Variants in CALCR observed in about 807,000 individuals in gnomAD.
The protein encoded by CALCR is calcitonin receptor.
Under a neutral mutation model 59.5 loss-of-function variants are expected in CALCR, and 47 were observed. The ratio of observed to expected loss-of-function variants is 0.79; its 90% CI spans 0.63 to 1.01. The LOEUF (loss-of-function observed/expected upper bound fraction) is 1.01, where lower values mean the gene tolerates loss of function less well. Among genes scored for constraint, CALCR ranks in the 50% least tolerant of loss-of-function variants. The pLI is 0.00. For missense variants in CALCR, 566 were observed against 597.1 expected (o/e 0.95, Z 0.54); for synonymous variants, 213 against 211.3 (o/e 1.01, Z -0.07).
intron 2 of CALCR, among the ~76,000 whole-genome samples, chr7:93,565,079 T>C (rs1214719829): frequency 6.6e-6 from 1 of 152,206 alleles, no homozygotes; most frequent in Non-Finnish European, 1.5e-5. Flanking sequence ...TTTGAGGTCA[T>C]CTATAAGTAC....
intron 2 of CALCR, among the ~76,000 whole-genome samples, chr7:93,539,791 G>A (rs536808171): frequency 1.1e-4 from 17 of 152,222 alleles, no homozygotes; most frequent in African/African-American, 3.6e-4. Flanking sequence ...AGTTAAAGAC[G>A]CTTCCCTCTG....
chr7:93,547,130 G>C (rs1789311307), intron 2 of CALCR, among the ~76,000 whole-genome samples: 1 of 152,146 alleles, frequency 6.6e-6, no homozygotes, highest in East Asian at 1.9e-4. Flanking sequence ...GACCTCTTAG[G>C]ACAGGTTATC....
At chr7:93,571,130 C>T (rs988439032) in intron 2 of CALCR, among the ~76,000 whole-genome samples, 2 of 152,068 alleles carry the variant, frequency 1.3e-5, no homozygotes, top group African/African-American at 4.8e-5. Context: ...TATGAAAACA[C>T]AAAATCTTAT....
intron 3 of CALCR, among the ~76,000 whole-genome samples, chr7:93,483,412 GATA>G (rs1800846210): frequency 2.9e-4 from 4 of 13,572 alleles, no homozygotes; most frequent in African/African-American, 8.6e-4. Context: ...TGACTGTATA[GATA>G]GATAGATAGA....
At chr7:93,547,728 A>G (rs989001278) in intron 2 of CALCR, among the ~76,000 whole-genome samples, 1 of 152,208 alleles carries the variant, frequency 6.6e-6, no homozygotes, top group Non-Finnish European at 1.5e-5. Flanking sequence ...GTCACACCTG[A>G]GTATTCAAAG....
intron 9 of CALCR, among the ~76,000 whole-genome samples, chr7:93,441,987 G>C (rs1451421219): frequency 6.6e-6 from 1 of 152,120 alleles, no homozygotes; most frequent in South Asian, 2.1e-4. Context: ...GTTTCTGTGA[G>C]TGCCTGGAAC....
intron 2 of CALCR, among the ~76,000 whole-genome samples, chr7:93,498,209 C>T (rs945821889): frequency 2.6e-5 from 4 of 151,622 alleles, no homozygotes; most frequent in African/African-American, 9.7e-5. Context: ...ATTTGAGTAC[C>T]ACATCCTGTG....
intron 2 of CALCR, among the ~76,000 whole-genome samples, chr7:93,488,582 G>GAAAAAAAAAAAA (rs1554401502): frequency 9.0e-5 from 7 of 77,998 alleles, no homozygotes; most frequent in East Asian, 4.4e-4. Context: ...CAAATGGAAA[G>GAAAAAAAAAAAA]AAAAAAAAAA....
intron 2 of CALCR, among the ~76,000 whole-genome samples, chr7:93,543,133 G>T (rs1010038358): frequency 6.6e-6 from 1 of 152,008 alleles, no homozygotes; most frequent in Non-Finnish European, 1.5e-5. Context: ...TTGAGATAGG[G>T]TCTTGCTCTG....
chr7:93,537,768 T>G (rs879385186), intron 2 of CALCR, among the ~76,000 whole-genome samples: 1 of 151,652 alleles, frequency 6.6e-6, no homozygotes, highest in Non-Finnish European at 1.5e-5. Flanking sequence ...ACAATCTGGA[T>G]GAAAAGTCAA....
At chr7:93,450,681 C>G (rs1800091012) in intron 8 of CALCR, among the ~76,000 whole-genome samples, 1 of 151,966 alleles carries the variant, frequency 6.6e-6, no homozygotes, top group Non-Finnish European at 1.5e-5. Context: ...TCTAGCATCT[C>G]CCTGTCTTGG....
chr7:93,525,972 G>C (rs1425806976), intron 2 of CALCR, among the ~76,000 whole-genome samples: 1 of 152,150 alleles, frequency 6.6e-6, no homozygotes, highest in Non-Finnish European at 1.5e-5. Flanking sequence ...ATCACTTGTA[G>C]ACATTTAATT....
chr7:93,428,409 T>A (rs1799576670), intron 13 of CALCR, among the ~76,000 whole-genome samples: 1 of 152,236 alleles, frequency 6.6e-6, no homozygotes, highest in Non-Finnish European at 1.5e-5. Context: ...TAGCTTTAAA[T>A]GCCAGGGTTA....
At chr7:93,466,331 A>G (rs1283308231) in intron 7 of CALCR, among the ~76,000 whole-genome samples, 9 of 151,944 alleles carry the variant, frequency 5.9e-5, no homozygotes, top group African/African-American at 2.2e-4. Flanking sequence ...ATAAATTCCA[A>G]TGATAGATCA....
chr7:93,436,219 A>C, intron 11 of CALCR, 49 bp from the exon 12 acceptor site: 1 of 1,420,616 alleles, frequency 7.0e-7, no homozygotes, highest in Non-Finnish European at 9.9e-7. Flanking sequence ...AGTATCACTT[A>C]AGAATATGCA....
chr7:93,437,156 T>C (rs1188027887), intron 11 of CALCR, among the ~76,000 whole-genome samples: 1 of 152,188 alleles, frequency 6.6e-6, no homozygotes, highest in African/African-American at 2.4e-5. Context: ...TCAACTCAGA[T>C]ACACATTTAT....
At chr7:93,454,917 TGTGTGTGTGTGTGTGTG>T (rs1800179932) in intron 8 of CALCR, among the ~76,000 whole-genome samples, 1 of 17,312 alleles carries the variant, frequency 5.8e-5, no homozygotes, top group African/African-American at 2.2e-4. Flanking sequence ...CAGGGCATTT[TGTGTGTGTGTGTGTGTG>T]TGTGTGTGTG....
At chr7:93,487,266 A>C (rs1470690074) in intron 2 of CALCR, among the ~76,000 whole-genome samples, 2 of 151,432 alleles carry the variant, frequency 1.3e-5, no homozygotes, top group Admixed American at 6.6e-5. Context: ...TTAGGACAGA[A>C]ATAAAGACAT....
At chr7:93,499,633 C>A (rs1029895119) in intron 2 of CALCR, among the ~76,000 whole-genome samples, 1 of 151,736 alleles carries the variant, frequency 6.6e-6, no homozygotes, top group South Asian at 2.1e-4. Flanking sequence ...GAAAAGAAAT[C>A]GCAGGACTTT....
Sources: allele counts gnomAD v4.1 joint callset (sites outside exome capture counted in the v4.1 genomes callset), GRCh38; gene constraint gnomAD v4.1.1; transcripts MANE v1.5; gene names NCBI Gene and HGNC (gene_info 2026-07-23, HGNC 2026-07-21).